PCDHA12: variants seen among roughly 807,000 people sequenced by gnomAD.
PCDHA12 encodes protocadherin alpha-12.
In PCDHA12, 44 loss-of-function variants were observed where a neutral mutation model predicts 60.0. The ratio of observed to expected loss-of-function variants is 0.73; its 90% CI spans 0.58 to 0.94. PCDHA12 has a LOEUF of 0.94. Among genes scored for constraint, PCDHA12 ranks in the 40% least tolerant of loss-of-function variants. The pLI, the probability that PCDHA12 is intolerant of heterozygous loss-of-function variation, is 0.00. For missense variants in PCDHA12, 1,276 were observed against 1,239.7 expected (o/e 1.03, Z -0.44); for synonymous variants, 569 against 553.0 (o/e 1.03, Z -0.40).
At chr5:140,998,779 G>T (rs782154283) in intron 3 of PCDHA12, among the ~76,000 whole-genome samples, 3 of 152,140 alleles carry the variant, frequency 2.0e-5, no homozygotes, top group Non-Finnish European at 4.4e-5. Context: ...GGTCAGGCTG[G>T]TCTGGAACCC....
chr5:140,926,783 C>G lies in PCDHA12; in HGVS notation c.2367+48944C>G, dbSNP rs1230665699. 5.0e-6 allele frequency: 7 copies of G among 1,410,188 alleles called. No homozygotes were observed. The African/African-American group carries it at 7.3e-5, about 15-fold the overall frequency. The allele number at this position is 1,410,188 out of a possible 1,614,324, so 87.4% of individuals were successfully genotyped here. On this transcript the variant is annotated intron_variant, in intron 1 of 3. Transcript: ENST00000398631. The stretch of plus-strand genomic sequence containing the variant: ...GTATCCAGCCCGCAGCAGTGACGGC[C>G]GGCAGGAGCGTGCTCTTCCCCGCGG...
In PCDHA12 at chr5:140,987,930, G is replaced by T. The variant is rs554856826; in HGVS notation, c.2515+5367G>T. Among the ~76,000 whole-genome samples, 18 of 152,196 alleles carry T rather than the reference G, an allele frequency of 1.2e-4. No individual in the cohort carries two copies. The South Asian group carries it at 2.1e-3, about 18-fold the overall frequency. Reference sequence around the variant, plus strand: ...GATTTATATTCTTAATTGTCTCAAGGATTCTTACCTGTCTGACAAAACCAA... The same window carrying T: ...GATTTATATTCTTAATTGTCTCAAGTATTCTTACCTGTCTGACAAAACCAA... On this transcript the variant is annotated intron_variant, in intron 3 of 3. Transcript: ENST00000398631.
chr5:140,918,387 C>A (rs1554198606), intron 1 of PCDHA12, among the ~76,000 whole-genome samples: 1 of 152,142 alleles, frequency 6.6e-6, no homozygotes, highest in Non-Finnish European at 1.5e-5. Context: ...TTATTTCTTT[C>A]TCTTGCCTGA....
chr5:140,977,340 G>T (rs2096757114), intron 1 of PCDHA12, among the ~76,000 whole-genome samples: 1 of 152,198 alleles, frequency 6.6e-6, no homozygotes, highest in African/African-American at 2.4e-5. Context: ...GAGAGACGGT[G>T]ATGATGACTG....
chr5:140,997,131 C>T (rs577407385), intron 3 of PCDHA12, among the ~76,000 whole-genome samples: 26 of 152,126 alleles, frequency 1.7e-4, no homozygotes, highest in African/African-American at 6.0e-4. Flanking sequence ...ACACAATGCC[C>T]CCACACCCCC....
chr5:140,927,870 G>A (rs1302526715), intron 1 of PCDHA12: 1 of 1,614,100 alleles, frequency 6.2e-7, no homozygotes. Context: ...CCGCTAAACT[G>A]CTGGTGGAGG....
chr5:141,006,504 C>T (rs911793343), intron 3 of PCDHA12, among the ~76,000 whole-genome samples: 4 of 152,022 alleles, frequency 2.6e-5, no homozygotes, highest in East Asian at 1.9e-4. Flanking sequence ...TGAGCCACCG[C>T]GCCTGGCTGT....
chr5:140,888,886 T>TA (rs2062023222), intron 1 of PCDHA12, among the ~76,000 whole-genome samples: 1 of 152,036 alleles, frequency 6.6e-6, no homozygotes, highest in South Asian at 2.1e-4. Flanking sequence ...ATTAAAACAT[T>TA]AGAATTGAGG....
chr5:140,922,765 A>T (rs1346337086), intron 1 of PCDHA12, among the ~76,000 whole-genome samples: 1 of 152,258 alleles, frequency 6.6e-6, no homozygotes, highest in Non-Finnish European at 1.5e-5. Flanking sequence ...TAAAGAATTT[A>T]AAAGAACTGG....
In PCDHA12 at chr5:141,002,410, T is replaced by C. The variant is rs1034024595; in HGVS notation, c.2516-7217T>C. 2.2e-4 allele frequency among the ~76,000 whole-genome samples: 33 copies of C among 152,326 alleles called. 1 individual carries two copies. The highest frequency in any genetic ancestry group is 7.5e-4 in the African/African-American group (31 of 41,578). On this transcript the variant is annotated intron_variant, in intron 3 of 3. Coordinates refer to ENST00000398631, the MANE Select transcript of PCDHA12 (RefSeq NM_018903.4). The stretch of plus-strand genomic sequence containing the variant: ...TGCTGGCATCTCTGTGCCTCCCAAA[T>C]AGTAGTAACAAAACAGGCAATAACC...
At chr5:140,967,320 A>G in intron 1 of PCDHA12, 6 of 1,609,774 alleles carry the variant, frequency 3.7e-6, no homozygotes, top group Non-Finnish European at 5.1e-6. Context: ...GTACAGACCT[A>G]CGAGCTCAGC....
chr5:140,960,143 T>C (rs1250145398), intron 1 of PCDHA12, among the ~76,000 whole-genome samples: 1 of 152,208 alleles, frequency 6.6e-6, no homozygotes, highest in Non-Finnish European at 1.5e-5. Context: ...TAGATATTAA[T>C]AGCTTGAGAC....
In PCDHA12 at chr5:140,967,951, C is replaced by G. The variant is rs150201840; in HGVS notation, c.2368-10998C>G. On this transcript the variant is annotated intron_variant, in intron 1 of 3. Transcript: ENST00000398631. ...TCAGTGTCAATGACCAAGACTCAGG[C>G]CCCAACCGGAAAGTGAGCCTGGGTC... 6 of 1,614,078 alleles carry G rather than the reference C, an allele frequency of 3.7e-6. No homozygotes were observed. The African/African-American group carries it at 6.7e-5, about 18-fold the overall frequency.
chr5:140,960,258 T>G (rs551623092), intron 1 of PCDHA12, among the ~76,000 whole-genome samples: 1 of 152,248 alleles, frequency 6.6e-6, no homozygotes, highest in Non-Finnish European at 1.5e-5. Context: ...CTGGAGCTTC[T>G]GATAAATTCC....
chr5:141,004,888 G>A lies in PCDHA12; in HGVS notation c.2516-4739G>A, dbSNP rs555046086. ...TTTCTCATCCCTAAAGTGCTATTGT[G>A]TCAGCTCTGCCAGGGTGTAAGGAAA... On this transcript the variant is annotated intron_variant, in intron 3 of 3. Transcript: ENST00000398631. Among the ~76,000 whole-genome samples the A allele has an allele frequency of 2.0e-5, 3 of 152,250 alleles. No individual in the cohort carries two copies. The East Asian group carries it at 5.8e-4, about 29-fold the overall frequency.
intron 1 of PCDHA12, chr5:140,884,069 T>A (rs2059977023): frequency 6.2e-7 from 1 of 1,613,394 alleles, no homozygotes; most frequent in Non-Finnish European, 8.5e-7. Flanking sequence ...GGACGCCGAT[T>A]CGGGCTACAA....
chr5:140,883,397 C>A, intron 1 of PCDHA12: 1 of 1,614,170 alleles, frequency 6.2e-7, no homozygotes. Flanking sequence ...TGTGTCCGAT[C>A]GTGACTCTGG....
chr5:140,937,442 A>AAAATATCATTTTAAAATATCATTAT (rs2091531773), intron 1 of PCDHA12, among the ~76,000 whole-genome samples: 1 of 152,160 alleles, frequency 6.6e-6, no homozygotes, highest in Non-Finnish European at 1.5e-5. Context: ...ATGCTATTTT[A>AAAATATCATTTTAAAATATCATTAT]AAAGTTTAAT....
At chr5:140,956,381 G>T (rs1380347643) in intron 1 of PCDHA12, among the ~76,000 whole-genome samples, 2 of 152,090 alleles carry the variant, frequency 1.3e-5, no homozygotes, top group African/African-American at 4.8e-5. Context: ...TTTTATCGAA[G>T]GCCTTTTCTG....
Sources: gnomAD v4.1 joint callset for allele counts (sites outside exome capture counted in the v4.1 genomes callset) on GRCh38, gnomAD v4.1.1 for gene constraint, MANE v1.5 for transcripts, NCBI Gene and HGNC (gene_info 2026-07-23, HGNC 2026-07-21) for gene names.